Variants in MAGI2 observed in about 807,000 individuals in gnomAD.
The protein encoded by MAGI2 is membrane-associated guanylate kinase, WW and PDZ domain-containing protein 2.
MAGI2 carries 35 observed loss-of-function variants against 133.3 expected under a neutral mutation model. That is an observed-to-expected ratio of 0.26 (90% CI 0.20 to 0.35). The LOEUF is 0.35. Ranked by LOEUF, MAGI2 falls within the 10% of genes least tolerant of loss-of-function variation. The pLI is 1.00. For synonymous variants in MAGI2, 729 were observed against 710.6 expected (o/e 1.03, Z -0.41); for missense variants, 1,636 against 1,863.4 (o/e 0.88, Z 2.25).
intron 2 of MAGI2, among the ~76,000 whole-genome samples, chr7:78,696,806 A>T (rs1817561270): frequency 6.6e-6 from 1 of 152,180 alleles, no homozygotes; most frequent in Admixed American, 6.5e-5. Context: ...TGATGCTCTC[A>T]TTACTTCATT....
chr7:79,386,855 C>T (rs761594524), intron 1 of MAGI2, among the ~76,000 whole-genome samples: 1 of 151,930 alleles, frequency 6.6e-6, no homozygotes, highest in African/African-American at 2.4e-5. Flanking sequence ...TTGAAGGGGG[C>T]TGTTTTGGCA....
At chr7:78,191,842 T>C (rs1246530750) in intron 12 of MAGI2, among the ~76,000 whole-genome samples, 1 of 152,228 alleles carries the variant, frequency 6.6e-6, no homozygotes, top group Non-Finnish European at 1.5e-5. Context: ...AATACGTCTT[T>C]ATTAAGATGT....
rs912619618 is a variant in MAGI2, at chr7:78,627,525, T to C, written c.419-286A>G. ...AAAAATTCAGAACATTGTGCCCTTTTTGAAGAGGTGGTTTGGATATTGAGC... is the reference window on the plus strand; with the variant it reads ...AAAAATTCAGAACATTGTGCCCTTTCTGAAGAGGTGGTTTGGATATTGAGC... On this transcript the variant is annotated intron_variant, in intron 2 of 21. Transcript: ENST00000354212. 1.1e-3 allele frequency among the ~76,000 whole-genome samples: 171 copies of C among 152,294 alleles called. 1 individual carries two copies. The highest frequency in any genetic ancestry group is 3.6e-3 in the African/African-American group (150 of 41,570).
chr7:78,756,569 A>T (rs1166391396), intron 2 of MAGI2, among the ~76,000 whole-genome samples: 5 of 152,178 alleles, frequency 3.3e-5, no homozygotes, highest in Admixed American at 3.3e-4. Flanking sequence ...TGTTTGCACA[A>T]AATGAGGGTA....
At chr7:78,850,459 G>A (rs1793037766) in intron 2 of MAGI2, among the ~76,000 whole-genome samples, 1 of 152,088 alleles carries the variant, frequency 6.6e-6, no homozygotes, top group African/African-American at 2.4e-5. Flanking sequence ...AAACTGGTTT[G>A]CTCCAAGTTT....
intron 10 of MAGI2, among the ~76,000 whole-genome samples, chr7:78,245,608 C>T (rs1482078009): frequency 6.6e-6 from 1 of 152,056 alleles, no homozygotes; most frequent in African/African-American, 2.4e-5. Context: ...GGAAGGAAAC[C>T]CCTGGCCTCC....
intron 20 of MAGI2, among the ~76,000 whole-genome samples, chr7:78,121,111 T>C (rs2150498185): frequency 6.7e-6 from 1 of 148,844 alleles, no homozygotes; most frequent in South Asian, 2.1e-4. Context: ...CTGTAGGTGA[T>C]TAAATACTTA....
intron 2 of MAGI2, among the ~76,000 whole-genome samples, chr7:78,779,158 G>A (rs1282111232): frequency 1.3e-5 from 2 of 151,928 alleles, no homozygotes; most frequent in East Asian, 1.9e-4. Context: ...TGCCTGCTTC[G>A]GCATCCCAAA....
chr7:78,815,820 C>A (rs1789527124), intron 2 of MAGI2, among the ~76,000 whole-genome samples: 1 of 152,122 alleles, frequency 6.6e-6, no homozygotes, highest in Admixed American at 6.5e-5. Context: ...CTTTGTGTGT[C>A]TTTATTCTCT....
chr7:78,470,685 A>C (rs1791107535), intron 6 of MAGI2, among the ~76,000 whole-genome samples: 1 of 152,176 alleles, frequency 6.6e-6, no homozygotes, highest in Non-Finnish European at 1.5e-5. Flanking sequence ...TGGGCCAGTC[A>C]CTAAAATTAT....
At chr7:78,599,460 G>A (rs1482689285) in intron 3 of MAGI2, among the ~76,000 whole-genome samples, 4 of 152,086 alleles carry the variant, frequency 2.6e-5, no homozygotes, top group African/African-American at 4.8e-5. Context: ...CAGTCTCTGT[G>A]AGAAATACCC....
intron 1 of MAGI2, among the ~76,000 whole-genome samples, chr7:79,208,117 T>A (rs1487517685): frequency 1.3e-5 from 2 of 151,896 alleles, no homozygotes; most frequent in Non-Finnish European, 2.9e-5. Context: ...TGCATGACAT[T>A]GGACTGGGCA....
At chr7:78,897,375 T>A (rs928387397) in intron 2 of MAGI2, among the ~76,000 whole-genome samples, 1 of 152,200 alleles carries the variant, frequency 6.6e-6, no homozygotes, top group African/African-American at 2.4e-5. Context: ...CTTAGAAGGT[T>A]TCTTACCCTT....
chr7:79,370,122 T>C lies in MAGI2; in HGVS notation c.301+82898A>G, dbSNP rs890799134. On this transcript the variant is annotated intron_variant, in intron 1 of 21. Transcript: ENST00000354212. ...AATTTTCATCTAGTTCTAAGTTAGA[T>C]ATTTATATCTTATATGTTTTAGCTT... Among the ~76,000 whole-genome samples the C allele has an allele frequency of 7.2e-5, 11 of 152,300 alleles. 1 individual carries two copies. The South Asian group carries it at 2.1e-3, about 29-fold the overall frequency.
intron 1 of MAGI2, among the ~76,000 whole-genome samples, chr7:79,073,324 A>C (rs986570909): frequency 2.2e-4 from 33 of 152,172 alleles, no homozygotes; most frequent in Non-Finnish European, 4.7e-4. Context: ...TAGGTGTTGA[A>C]TTTGGTTCTT....
Position 78,501,674 on chromosome 7 carries a change from T to C in MAGI2, c.868A>G (p.Thr290Ala), listed in dbSNP as rs1167894761. 1 of 1,614,022 alleles carries C rather than the reference T, an allele frequency of 6.2e-7. No homozygotes were observed. The highest frequency in any genetic ancestry group is 8.5e-7 in the Non-Finnish European group (1 of 1,180,024). The change falls in exon 5 of 22, where the codon ACA becomes GCA. Residue 290 changes from threonine (T) to alanine (A), a missense_variant. Coordinates refer to ENST00000354212, the MANE Select transcript of MAGI2 (RefSeq NM_012301.4). ...TTGTCTTCAGGTTTAGTTGGCTTTG[T>C]GTCATCCATCTGCTCCTTCAGCTCC... ...PEELKEQMDD[T>A]KPTKPEDNEE...
chr7:78,703,270 G>A (rs1026021787), intron 2 of MAGI2, among the ~76,000 whole-genome samples: 1 of 151,982 alleles, frequency 6.6e-6, no homozygotes, highest in South Asian at 2.1e-4. Context: ...TAAGAAGACA[G>A]TGTCTGTTTT....
At chr7:79,087,336 C>A (rs1403950839) in intron 1 of MAGI2, among the ~76,000 whole-genome samples, 2 of 151,826 alleles carry the variant, frequency 1.3e-5, no homozygotes, top group Admixed American at 6.6e-5. Flanking sequence ...TGGATGAGTT[C>A]TGATTGTTCA....
rs200287433 is a variant in MAGI2 at position 79,373,358 on chromosome 7, GA to G, written c.301+79661del. On this transcript the variant is annotated intron_variant, in intron 1 of 21. Coordinates refer to ENST00000354212, the MANE Select transcript of MAGI2 (RefSeq NM_012301.4). Reference sequence around the variant, plus strand: ...AAATCAAATGGATAAGGTGAAAGAAGAAACACAATAACCTGATTTTCTCTGT... The same window carrying G: ...AAATCAAATGGATAAGGTGAAAGAAGAACACAATAACCTGATTTTCTCTGT... Among the ~76,000 whole-genome samples the G allele has an allele frequency of 1.7e-3, 255 of 152,056 alleles. 2 individuals carry two copies. The highest frequency in any genetic ancestry group is 8.2e-3 in the Admixed American group (125 of 15,254).
Sources: gnomAD v4.1 joint callset for allele counts (sites outside exome capture counted in the v4.1 genomes callset) on GRCh38, gnomAD v4.1.1 for gene constraint, MANE v1.5 for transcripts, NCBI Gene and HGNC (gene_info 2026-07-23, HGNC 2026-07-21) for gene names.